The following TMEM260 variants were observed in gnomAD, a reference collection of about 807,000 sequenced individuals.
TMEM260 encodes transmembrane protein 260, also known as protein O-mannosyl-transferase TMEM260.
TMEM260 carries 82 observed loss-of-function variants against 88.9 expected under a neutral mutation model. That is an observed-to-expected ratio of 0.92 (90% CI 0.77 to 1.11). The LOEUF is 1.11. Ranked by LOEUF, TMEM260 falls within the 50% of genes least tolerant of loss-of-function variation. The pLI, the probability that TMEM260 is intolerant of heterozygous loss-of-function variation, is 0.00. For synonymous variants in TMEM260, 314 were observed against 309.3 expected (o/e 1.02, Z -0.16); for missense variants, 902 against 853.4 (o/e 1.06, Z -0.71).
rs759781021 is a variant in TMEM260 at position 56,603,914 on chromosome 14, A to G, written c.444A>G (p.Leu148=). 2.5e-6 allele frequency: 4 copies of G among 1,613,584 alleles called. No individual in the cohort carries two copies. In the South Asian group the frequency reaches 4.4e-5, roughly 18 times the overall value. Residue 148 remains leucine, a synonymous_variant, in exon 4 of 16, where the codon TTA becomes TTG. Transcript: ENST00000261556. ...CCATTGCAGCAGAGGTTTTTAGCTTAAACAATCTCTTTGTGGGGCTGCTTA... is the reference window on the plus strand; with the variant it reads ...CCATTGCAGCAGAGGTTTTTAGCTTGAACAATCTCTTTGTGGGGCTGCTTA... ...QWSIAAEVFS[L]NNLFVGLLMA...
chr14:56,657,511 G>A, the TMEM260 span, among the ~76,000 whole-genome samples: 1 of 151,980 alleles, frequency 6.6e-6, no homozygotes, highest in Non-Finnish European at 1.5e-5. Flanking sequence ...GTCTGAATAC[G>A]ACGTTTTCAG....
chr14:56,598,314 G>A (rs559517946), intron 3 of TMEM260, among the ~76,000 whole-genome samples: 1 of 152,224 alleles, frequency 6.6e-6, no homozygotes, highest in South Asian at 2.1e-4. Flanking sequence ...ACATCAACTC[G>A]GTAAAGTGTG....
Position 56,647,719 on chromosome 14 carries a change from C to G in TMEM260, c.*222C>G. The G allele has an allele frequency of 2.0e-6, 1 of 508,468 alleles. No homozygotes were observed. 31.5% of individuals were successfully genotyped at this position (508,468 alleles called of 1,614,324 possible). ...ATCCCGTGTTACCAAATTACCATTT[C>G]AGTGAGAAGCTTTTGAAAAGTCTTC... On this transcript the variant is annotated 3_prime_UTR_variant, in exon 16 of 16. Transcript: ENST00000261556.
In TMEM260 at chr14:56,632,669, C is replaced by T. The variant is rs773345879; in HGVS notation, c.1548-326C>T. ...CTTGCTGTGTTGCCCAGGCTGGTCT[C>T]AAACCCCTGGCCTCAAGCGATTCTC... is the stretch of plus-strand genomic sequence containing the variant. On this transcript the variant is annotated intron_variant, in intron 12 of 15. Coordinates refer to ENST00000261556, the MANE Select transcript of TMEM260 (RefSeq NM_017799.4). Among the ~76,000 whole-genome samples, 10 of 152,022 alleles carry T rather than the reference C, an allele frequency of 6.6e-5. 1 individual carries two copies. In the South Asian group the frequency reaches 1.2e-3, roughly 19 times the overall value.
Position 56,647,273 on chromosome 14 carries a change from G to C in TMEM260, c.1900G>C (p.Glu634Gln), listed in dbSNP as rs145003551. 2.5e-5 allele frequency: 41 copies of C among 1,613,776 alleles called. No homozygotes were observed. In the African/African-American group the frequency reaches 4.3e-4, roughly 17 times the overall value. ...LYKEIVYLQK[E>Q]HPVNWHKNYA... is the part of the protein sequence containing the mutation. ...TAAGGAGATTGTCTATTTACAAAAG[G>C]AGCACCCAGTGAATTGGCACAAGAA... The change falls in exon 16 of 16, where the codon GAG (glutamate) becomes CAG (glutamine). Residue 634 changes from glutamate to glutamine, a missense_variant. Coordinates refer to ENST00000261556, the MANE Select transcript of TMEM260 (RefSeq NM_017799.4).
the TMEM260 span, among the ~76,000 whole-genome samples, chr14:56,657,058 T>A: frequency 1.3e-5 from 2 of 152,156 alleles, no homozygotes; most frequent in East Asian, 3.9e-4. Context: ...ATCTATATAT[T>A]TGATCTTAGT....
downstream of TMEM260, among the ~76,000 whole-genome samples, chr14:56,653,845 TA>T (rs1204483712): frequency 2.0e-5 from 3 of 151,522 alleles, no homozygotes; most frequent in Admixed American, 6.6e-5. Context: ...ACATCTATAC[TA>T]AACAAGTGAC....
At chr14:56,639,573 A>C (rs991981567) in intron 15 of TMEM260, among the ~76,000 whole-genome samples, 53 of 152,216 alleles carry the variant, frequency 3.5e-4, no homozygotes, top group Non-Finnish European at 6.6e-4. Context: ...AGCATGAGCA[A>C]CGCAGAAGAC....
chr14:56,653,332 T>C, downstream of TMEM260, among the ~76,000 whole-genome samples: 1 of 152,216 alleles, frequency 6.6e-6, no homozygotes, highest in Non-Finnish European at 1.5e-5. Flanking sequence ...ATATATGTCA[T>C]ATATGTGTGT....
intron 5 of TMEM260, among the ~76,000 whole-genome samples, chr14:56,608,105 A>G (rs760447967): frequency 6.2e-4 from 95 of 152,252 alleles, no homozygotes; most frequent in Non-Finnish European, 1.1e-3. Flanking sequence ...TTACTGCTAT[A>G]GAAATCTCAA....
intron 4 of TMEM260, among the ~76,000 whole-genome samples, chr14:56,604,224 T>C (rs1886755118): frequency 6.6e-6 from 1 of 152,138 alleles, no homozygotes. Flanking sequence ...TTTGGAGAAT[T>C]AGAGGATTAT....
chr14:56,625,533 A>G lies in TMEM260; in HGVS notation c.1547+3A>G. 6.3e-7 allele frequency: 1 copy of G among 1,582,702 alleles called. No homozygotes were observed. The highest frequency in any genetic ancestry group is 2.2e-5 in the East Asian group (1 of 44,546). On this transcript the variant is annotated splice_donor_region_variant and intron_variant, in intron 12 of 15. Transcript: ENST00000261556. ...CATTTTCTTGAAGTAAATAAACAGT[A>G]AGCATTCTTTTTATATAATAGCTTT...
At chr14:56,609,319 A>G (rs767644054) in intron 6 of TMEM260, 34 bp downstream of exon 6, 1 of 1,595,530 alleles carries the variant, frequency 6.3e-7, no homozygotes, top group South Asian at 1.1e-5. Flanking sequence ...CTAAGGAAAC[A>G]AGTGGCAAAA....
chr14:56,581,826 C>T (rs1885157253), intron 1 of TMEM260, among the ~76,000 whole-genome samples: 2 of 152,222 alleles, frequency 1.3e-5, no homozygotes. Flanking sequence ...TTAACCTCTA[C>T]TTTTCGTCAA....
chr14:56,655,422 T>G (rs916777891), downstream of TMEM260, among the ~76,000 whole-genome samples: 1 of 151,866 alleles, frequency 6.6e-6, no homozygotes, highest in Non-Finnish European at 1.5e-5. Flanking sequence ...GCCCTTCATC[T>G]TCGGAGGCAA....
intron 11 of TMEM260, among the ~76,000 whole-genome samples, chr14:56,622,987 T>C (rs2139602136): frequency 6.6e-6 from 1 of 152,338 alleles, no homozygotes; most frequent in Admixed American, 6.5e-5. Context: ...AAACACTGTT[T>C]AGAATGTCAG....
At chr14:56,655,132 C>T (rs555397896), downstream of TMEM260, among the ~76,000 whole-genome samples, 49 of 152,208 alleles carry the variant, frequency 3.2e-4, no homozygotes, top group African/African-American at 1.2e-3. Flanking sequence ...TGGCTCACTC[C>T]TGTAATCCCA....
At chr14:56,624,465 T>C (rs1358477004) in intron 11 of TMEM260, among the ~76,000 whole-genome samples, 1 of 152,168 alleles carries the variant, frequency 6.6e-6, no homozygotes, top group Non-Finnish European at 1.5e-5. Context: ...TCTCAGCTAC[T>C]TGGGAGGCTT....
chr14:56,643,300 G>A (rs1889732648), intron 15 of TMEM260, among the ~76,000 whole-genome samples: 2 of 152,134 alleles, frequency 1.3e-5, no homozygotes, highest in Admixed American at 1.3e-4. Flanking sequence ...ACATCACAAA[G>A]CTTATCCACC....
Sources: allele counts gnomAD v4.1 joint callset (sites outside exome capture counted in the v4.1 genomes callset), GRCh38; gene constraint gnomAD v4.1.1; transcripts MANE v1.5; gene names NCBI Gene and HGNC (gene_info 2026-07-23, HGNC 2026-07-21).